Variants in MAF observed in about 807,000 individuals in gnomAD.
MAF encodes transcription factor Maf.
In MAF, 10 loss-of-function variants were observed where a neutral mutation model predicts 22.0. The observed-to-expected ratio is 0.45, with a 90% CI of 0.28 to 0.77. The LOEUF is 0.77. Among genes scored for constraint, MAF ranks in the 30% least tolerant of loss-of-function variants. The probability of loss-of-function intolerance (pLI) is 0.12; values close to 1 mark genes in which losing one functional copy is unlikely to be tolerated. For synonymous variants in MAF, 337 were observed against 255.8 expected (o/e 1.32, Z -3.03); for missense variants, 544 against 548.4 (o/e 0.99, Z 0.08).
At chr16:79,243,046 A>G in the MAF span, among the ~76,000 whole-genome samples, 1 of 152,214 alleles carries the variant, frequency 6.6e-6, no homozygotes, top group Admixed American at 6.5e-5. Flanking sequence ...GACACATGTA[A>G]AGCAGTATGC....
the MAF span, among the ~76,000 whole-genome samples, chr16:79,452,719 G>A: frequency 1.3e-5 from 2 of 152,014 alleles, no homozygotes; most frequent in Admixed American, 6.6e-5. Flanking sequence ...CTGAGTCCTC[G>A]TTAAAGGGAT....
the MAF span, among the ~76,000 whole-genome samples, chr16:79,296,252 A>G: frequency 6.6e-6 from 1 of 152,248 alleles, no homozygotes; most frequent in Non-Finnish European, 1.5e-5. Context: ...CTAAGAACAT[A>G]GTGAAAGCTT....
the MAF span, among the ~76,000 whole-genome samples, chr16:79,410,144 G>T: frequency 6.6e-6 from 1 of 152,248 alleles, no homozygotes; most frequent in African/African-American, 2.4e-5. Context: ...TTCAAATAAG[G>T]CAAACATCGA....
chr16:79,474,828 G>A, the MAF span, among the ~76,000 whole-genome samples: 2 of 152,204 alleles, frequency 1.3e-5, no homozygotes, highest in African/African-American at 2.4e-5. Context: ...CCCCCATTCT[G>A]AGCCATGTCT....
the MAF span, among the ~76,000 whole-genome samples, chr16:79,495,043 C>G: frequency 6.6e-6 from 1 of 152,066 alleles, no homozygotes; most frequent in South Asian, 2.1e-4. Context: ...AGGCGTGTCA[C>G]CCCCCCAGAC....
the MAF span, among the ~76,000 whole-genome samples, chr16:79,445,245 A>G: frequency 0.013 from 1,992 of 151,016 alleles, 26 homozygotes; most frequent in East Asian, 0.018. Context: ...GGGTTTCACC[A>G]TGTTAGCCAG....
chr16:79,333,213 T>G, the MAF span, among the ~76,000 whole-genome samples: 1 of 152,134 alleles, frequency 6.6e-6, no homozygotes, highest in Non-Finnish European at 1.5e-5. Context: ...CAGAAGAACT[T>G]TGCTGCTGTA....
the MAF span, chr16:79,264,473 T>G: frequency 2.0e-5 from 3 of 152,318 alleles, no homozygotes; most frequent in East Asian, 5.8e-4. Flanking sequence ...CATACCATTC[T>G]GAATGTGCCC....
chr16:79,224,711 C>T, the MAF span, among the ~76,000 whole-genome samples: 1 of 152,064 alleles, frequency 6.6e-6, no homozygotes, highest in African/African-American at 2.4e-5. Flanking sequence ...TTCTATACAC[C>T]AATAATAGAC....
chr16:79,417,632 C>T, the MAF span, among the ~76,000 whole-genome samples: 1 of 152,090 alleles, frequency 6.6e-6, no homozygotes, highest in Non-Finnish European at 1.5e-5. Context: ...CCAGCCCTAC[C>T]GAGCCTGCCT....
the MAF span, among the ~76,000 whole-genome samples, chr16:79,408,155 C>T: frequency 1.4e-5 from 2 of 145,070 alleles, no homozygotes; most frequent in Non-Finnish European, 3.0e-5. Flanking sequence ...TTCAGAAGAA[C>T]TGGGCTAACA....
the MAF span, among the ~76,000 whole-genome samples, chr16:79,467,926 G>C: frequency 3.4e-4 from 51 of 152,070 alleles, 1 homozygote; most frequent in African/African-American, 9.9e-4. Context: ...TGATGCTTTG[G>C]GGGTGGTGGT....
At chr16:79,554,090 A>AAAACAAACAAACAAAC in the MAF span, among the ~76,000 whole-genome samples, 2 of 121,022 alleles carry the variant, frequency 1.7e-5, no homozygotes, top group African/African-American at 5.8e-5. Context: ...CTGCCTCTCA[A>AAAACAAACAAACAAAC]AAACAAACAA....
chr16:79,410,663 A>G, the MAF span, among the ~76,000 whole-genome samples: 5 of 152,236 alleles, frequency 3.3e-5, no homozygotes, highest in African/African-American at 7.2e-5. Context: ...ATGAGGGCAA[A>G]GAAAAAAGAG....
the MAF span, among the ~76,000 whole-genome samples, chr16:79,482,307 G>A: frequency 1.4e-4 from 22 of 152,054 alleles, no homozygotes; most frequent in Non-Finnish European, 2.5e-4. Flanking sequence ...TCCTTCTGTT[G>A]GGGAAGTGTG....
At chr16:79,543,370 A>T in the MAF span, among the ~76,000 whole-genome samples, 1 of 152,174 alleles carries the variant, frequency 6.6e-6, no homozygotes, top group Non-Finnish European at 1.5e-5. Flanking sequence ...CACTTATCTC[A>T]TACACAAAAT....
chr16:79,598,697 G>T, intron 1 of MAF, 88 bp downstream of exon 1: 1 of 1,584,994 alleles, frequency 6.3e-7, no homozygotes, highest in Non-Finnish European at 8.6e-7. Context: ...TGGCGAGCAT[G>T]GCTCTAGAAC....
At chr16:79,253,428 C>T in the MAF span, among the ~76,000 whole-genome samples, 1 of 152,320 alleles carries the variant, frequency 6.6e-6, no homozygotes, top group African/African-American at 2.4e-5. Flanking sequence ...TTACCTTCAA[C>T]TCCTCCCCTA....
the MAF span, among the ~76,000 whole-genome samples, chr16:79,342,243 C>T: frequency 1.6e-3 from 239 of 152,292 alleles, 4 homozygotes; most frequent in African/African-American, 5.5e-3. Flanking sequence ...GCCTGCTTCA[C>T]TTTCTTTCTA....
Sources: gnomAD v4.1 joint callset for allele counts (sites outside exome capture counted in the v4.1 genomes callset) on GRCh38, gnomAD v4.1.1 for gene constraint, MANE v1.5 for transcripts, NCBI Gene and HGNC (gene_info 2026-07-23, HGNC 2026-07-21) for gene names.